PCDH15: variants seen among roughly 807,000 people sequenced by gnomAD.
PCDH15 encodes protocadherin-15.
Under a neutral mutation model 178.5 loss-of-function variants are expected in PCDH15, and 129 were observed. The observed-to-expected ratio is 0.72, with a 90% CI of 0.63 to 0.84. The LOEUF (loss-of-function observed/expected upper bound fraction) is 0.84. Among genes scored for constraint, PCDH15 ranks in the 40% least tolerant of loss-of-function variants. The pLI is 0.00. For synonymous variants in PCDH15, 800 were observed against 732.0 expected (o/e 1.09, Z -1.50); for missense variants, 2,230 against 2,099.9 (o/e 1.06, Z -1.21).
At chr10:55,321,667 A>G (rs564488359), upstream of PCDH15, among the ~76,000 whole-genome samples, 128 of 152,260 alleles carry the variant, frequency 8.4e-4, 1 homozygote, top group Middle Eastern at 0.014. Context: ...TTCAGTGGAA[A>G]CCCTATAAGC....
At chr10:55,375,335 ATCAAAATTAG>A (rs1837368445) in intron 2 of PCDH15, among the ~76,000 whole-genome samples, 1 of 152,066 alleles carries the variant, frequency 6.6e-6, no homozygotes, top group African/African-American at 2.4e-5. Flanking sequence ...TTTTCCTGTG[ATCAAAATTAG>A]TCAAAATTAG....
rs534690888 is a variant in PCDH15 at position 55,136,617 on chromosome 10, T to C, written c.-80+29959A>G. Among the ~76,000 whole-genome samples the C allele has an allele frequency of 4.6e-4, 70 of 152,156 alleles. 1 individual carries two copies. The highest frequency in any genetic ancestry group is 7.4e-4 in the Non-Finnish European group (50 of 67,984). On this transcript the variant is annotated intron_variant, in intron 2 of 5. Coordinates refer to the PCDH15 transcript ENST00000458638. ...AAAGGAAGTAAGTGAAATAAATAAG[T>C]TCCTAGGAAGCATTCAGGCTTAAAG...
At chr10:55,616,941 T>C (rs1287821345) in intron 2 of PCDH15, among the ~76,000 whole-genome samples, 2 of 152,084 alleles carry the variant, frequency 1.3e-5, no homozygotes, top group Non-Finnish European at 2.9e-5. Context: ...ACATGTATTA[T>C]AATGTAACAC....
chr10:54,429,260 A>G (rs1455117483), intron 3 of PCDH15, among the ~76,000 whole-genome samples: 2 of 152,172 alleles, frequency 1.3e-5, no homozygotes, highest in Non-Finnish European at 1.5e-5. Context: ...TAAAATTGTC[A>G]TCAGTCTGAA....
At chr10:54,461,184 A>C (rs1372590398) in intron 3 of PCDH15, among the ~76,000 whole-genome samples, 1 of 152,144 alleles carries the variant, frequency 6.6e-6, no homozygotes, top group Non-Finnish European at 1.5e-5. Flanking sequence ...AATAATAAAG[A>C]AAATGTAATG....
chr10:55,505,219 T>C (rs1378464411), intron 2 of PCDH15, among the ~76,000 whole-genome samples: 1 of 151,392 alleles, frequency 6.6e-6, no homozygotes, highest in Non-Finnish European at 1.5e-5. Context: ...AATCTGGAAA[T>C]ACATCTTGAC....
chr10:55,157,100 A>G (rs961288420), intron 2 of PCDH15, among the ~76,000 whole-genome samples: 19 of 148,182 alleles, frequency 1.3e-4, no homozygotes, highest in African/African-American at 4.1e-4. Flanking sequence ...ATCTTAACAC[A>G]TATGTGAAGG....
chr10:54,496,671 C>T (rs763861480), intron 3 of PCDH15, among the ~76,000 whole-genome samples: 4 of 152,108 alleles, frequency 2.6e-5, no homozygotes, highest in Non-Finnish European at 5.9e-5. Context: ...AACATTTATA[C>T]TAAGCTCAAC....
At chr10:55,290,554 T>C (rs1842983068) in intron 1 of PCDH15, among the ~76,000 whole-genome samples, 1 of 152,142 alleles carries the variant, frequency 6.6e-6, no homozygotes, top group Non-Finnish European at 1.5e-5. Context: ...AGCATTTCCC[T>C]GACCACTTTC....
chr10:54,126,620 A>G (rs911848038), intron 15 of PCDH15, among the ~76,000 whole-genome samples: 1 of 152,098 alleles, frequency 6.6e-6, no homozygotes, highest in Non-Finnish European at 1.5e-5. Flanking sequence ...TAATAAACTA[A>G]TGCTACATTA....
intron 2 of PCDH15, among the ~76,000 whole-genome samples, chr10:55,561,054 T>C (rs1182690289): frequency 6.6e-6 from 1 of 151,820 alleles, no homozygotes; most frequent in East Asian, 1.9e-4. Context: ...AGAAATGTTC[T>C]GGAGACAAAA....
intron 2 of PCDH15, among the ~76,000 whole-genome samples, chr10:54,579,036 G>T (rs966839550): frequency 1.3e-5 from 2 of 151,912 alleles, no homozygotes; most frequent in African/African-American, 4.8e-5. Context: ...CTGCCACCAC[G>T]AGAACACAAT....
At chr10:55,023,099 G>A (rs908820207) in intron 2 of PCDH15, among the ~76,000 whole-genome samples, 2 of 151,968 alleles carry the variant, frequency 1.3e-5, no homozygotes, top group Admixed American at 6.6e-5. Context: ...CCGCCACCAC[G>A]CCCGGTGAAG....
chr10:54,405,492 G>A (rs745521169), intron 3 of PCDH15, among the ~76,000 whole-genome samples: 1 of 151,844 alleles, frequency 6.6e-6, no homozygotes, highest in Non-Finnish European at 1.5e-5. Context: ...ATGATAACAT[G>A]TGGACACATA....
intron 28 of PCDH15, among the ~76,000 whole-genome samples, chr10:53,841,972 C>T (rs1322736575): frequency 2.0e-5 from 3 of 151,150 alleles, no homozygotes; most frequent in East Asian, 2.0e-4. Flanking sequence ...AAAACAACCC[C>T]GGGAACCTGA....
chr10:53,976,935 C>T (rs1186831607), intron 21 of PCDH15, among the ~76,000 whole-genome samples: 1 of 151,372 alleles, frequency 6.6e-6, no homozygotes, highest in Non-Finnish European at 1.5e-5. Context: ...TACTAGAGCA[C>T]TGCATCTGGG....
intron 1 of PCDH15, among the ~76,000 whole-genome samples, chr10:54,760,045 T>C (rs980740071): frequency 6.6e-6 from 1 of 152,214 alleles, no homozygotes; most frequent in African/African-American, 2.4e-5. Flanking sequence ...ACTTGGCTCA[T>C]AGGGCATAAC....
chr10:55,395,956 A>C (rs1837918357), intron 2 of PCDH15, among the ~76,000 whole-genome samples: 1 of 152,298 alleles, frequency 6.6e-6, no homozygotes, highest in Admixed American at 6.5e-5. Context: ...AATTCTACCC[A>C]AAAAATGTCA....
chr10:55,313,342 G>A (rs1330650598), intron 1 of PCDH15, among the ~76,000 whole-genome samples: 2 of 151,964 alleles, frequency 1.3e-5, no homozygotes, highest in African/African-American at 2.4e-5. Context: ...TTGAGAAATG[G>A]GGAATTAACA....
Sources: allele counts gnomAD v4.1 joint callset (sites outside exome capture counted in the v4.1 genomes callset), GRCh38; gene constraint gnomAD v4.1.1; transcripts MANE v1.5; gene names NCBI Gene and HGNC (gene_info 2026-07-23, HGNC 2026-07-21).